Variants in PIGX observed in about 807,000 individuals in gnomAD.
PIGX encodes the protein GPI alpha-1,4-mannosyltransferase I, stabilizing subunit.
Under a neutral mutation model 28.7 loss-of-function variants are expected in PIGX, and 24 were observed. That is an observed-to-expected ratio of 0.84 (90% CI 0.60 to 1.17). PIGX has a LOEUF of 1.17. Ranked by LOEUF, PIGX falls within the 50% of genes most tolerant of loss-of-function variation. The probability of loss-of-function intolerance (pLI) is 0.00; values close to 1 mark genes in which losing one functional copy is unlikely to be tolerated. For missense variants in PIGX, 305 were observed against 317.8 expected (o/e 0.96, Z 0.31); for synonymous variants, 127 against 121.0 (o/e 1.05, Z -0.33).
At chr3:196,719,073 G>A (rs1712209283) in intron 2 of PIGX, among the ~76,000 whole-genome samples, 1 of 151,944 alleles carries the variant, frequency 6.6e-6, no homozygotes, top group Admixed American at 6.6e-5. Context: ...CCTGTAGATA[G>A]CATATAGTTC....
At chr3:196,723,295 C>T (rs149533899) in intron 3 of PIGX, among the ~76,000 whole-genome samples, 1 of 152,002 alleles carries the variant, frequency 6.6e-6, no homozygotes, top group African/African-American at 2.4e-5. Flanking sequence ...GAGCCGAGAT[C>T]GCATCATTGC....
intron 3 of PIGX, among the ~76,000 whole-genome samples, chr3:196,725,921 C>T (rs1268033556): frequency 6.6e-6 from 1 of 152,120 alleles, no homozygotes; most frequent in Non-Finnish European, 1.5e-5. Context: ...TTCTAAGTAA[C>T]TTATCTGCAT....
chr3:196,723,850 T>C (rs1295275382), intron 3 of PIGX, among the ~76,000 whole-genome samples: 12 of 152,050 alleles, frequency 7.9e-5, no homozygotes, highest in Admixed American at 7.9e-4. Flanking sequence ...TGTTTTTGAA[T>C]AAGTAATTAC....
intron 5 of PIGX, among the ~76,000 whole-genome samples, chr3:196,731,978 A>G (rs977664797): frequency 2.1e-4 from 32 of 151,254 alleles, no homozygotes; most frequent in African/African-American, 6.5e-4. Context: ...GGCGCCTGCC[A>G]CCATGCCCGG....
At chr3:196,728,811 G>A (rs71323744) in intron 4 of PIGX, 145,090 of 763,722 alleles carry the variant, frequency 0.19, 15,359 homozygotes, top group Non-Finnish European at 0.22. Flanking sequence ...CATGTACTAT[G>A]TGTTTCTTTT....
Position 196,730,400 on chromosome 3 carries a change from G to A in PIGX, c.533-592G>A, listed in dbSNP as rs1355875640. Among the ~76,000 whole-genome samples, 3 of 152,016 alleles carry A rather than the reference G, an allele frequency of 2.0e-5. No individual in the cohort carries two copies. The East Asian group carries it at 5.8e-4, about 29-fold the overall frequency. On this transcript the variant is annotated intron_variant, in intron 4 of 5. Transcript: ENST00000392391. ...TTTCTGAGTGATGCTTCAAAAATAAGTTTACATTAAATTTTTAAGAGCAGC... is the reference window on the plus strand; with the variant it reads ...TTTCTGAGTGATGCTTCAAAAATAAATTTACATTAAATTTTTAAGAGCAGC...
chr3:196,724,590 A>T (rs1213098719), intron 3 of PIGX, among the ~76,000 whole-genome samples: 1 of 152,216 alleles, frequency 6.6e-6, no homozygotes, highest in Non-Finnish European at 1.5e-5. Context: ...GAGTGCCATT[A>T]TAGATTGATT....
chr3:196,725,531 A>C (rs1056802603), intron 3 of PIGX, among the ~76,000 whole-genome samples: 1 of 152,196 alleles, frequency 6.6e-6, no homozygotes, highest in Non-Finnish European at 1.5e-5. Flanking sequence ...GATGCTGGGC[A>C]GGCCAAGGTA....
chr3:196,724,139 CG>C (rs1306011348), intron 3 of PIGX, among the ~76,000 whole-genome samples: 7 of 151,722 alleles, frequency 4.6e-5, no homozygotes, highest in African/African-American at 1.5e-4. Context: ...CTCAGCCTCC[CG>C]AGTAGCTAGG....
chr3:196,731,704 A>G (rs1412691090), intron 5 of PIGX, among the ~76,000 whole-genome samples: 1 of 152,172 alleles, frequency 6.6e-6, no homozygotes, highest in Admixed American at 6.5e-5. Context: ...CCTGCATTTG[A>G]TTGATTATGT....
In PIGX at chr3:196,716,999, T is replaced by C; in HGVS notation, c.176+78T>C. On this transcript the variant is annotated intron_variant, in intron 2 of 5. Coordinates refer to ENST00000392391, the MANE Select transcript of PIGX (RefSeq NM_017861.4). ...AGAGCAAAAAATTGATGGTTGAAAT[T>C]TGTATAAATTGAAAAATCAGGCCAG... 5 of 892,420 alleles carry C rather than the reference T, an allele frequency of 5.6e-6. No individual in the cohort carries two copies. The South Asian group carries it at 7.1e-5, about 13-fold the overall frequency. The allele number at this position is 892,420 out of a possible 1,614,324, so 55.3% of individuals were successfully genotyped here.
chr3:196,712,473 C>G lies in PIGX; in HGVS notation c.-60C>G. On this transcript the variant is annotated 5_prime_UTR_variant, in exon 1 of 6. Transcript: ENST00000392391. Reference sequence around the variant, plus strand: ...CGGTAGGAGCTGCGGGCGGCCAGGCCCCTTCCTGCGTCCGCACCTGGCCCC... The same window carrying G: ...CGGTAGGAGCTGCGGGCGGCCAGGCGCCTTCCTGCGTCCGCACCTGGCCCC... 1 of 820,460 alleles carries G rather than the reference C, an allele frequency of 1.2e-6. No homozygotes were observed. The highest frequency in any genetic ancestry group is 1.6e-6 in the Non-Finnish European group (1 of 635,872). The allele number at this position is 820,460 out of a possible 1,614,324, so 50.8% of individuals were successfully genotyped here. A position where few individuals can be genotyped will look rare whatever the true frequency, so the allele number is the denominator to read the frequency against.
intron 4 of PIGX, among the ~76,000 whole-genome samples, chr3:196,729,341 AAT>A (rs1164902774): frequency 1.3e-5 from 2 of 151,870 alleles, no homozygotes; most frequent in African/African-American, 4.9e-5. Context: ...TCAAAAAAAA[AAT>A]AAAATAAAAA....
rs1019652295 is a variant in PIGX at position 196,712,593 on chromosome 3, G to C, written c.61G>C (p.Gly21Arg). The C allele has an allele frequency of 2.5e-5, 30 of 1,191,632 alleles. No individual in the cohort carries two copies. Among genetic ancestry groups the C allele is most frequent in the Non-Finnish European group, 2.7e-5 (26 of 962,146 alleles). The allele number at this position is 1,191,632 out of a possible 1,614,324, so 73.8% of individuals were successfully genotyped here. A position where few individuals can be genotyped will look rare whatever the true frequency, so the allele number is the denominator to read the frequency against. The change falls in exon 1 of 6, where the codon GGG becomes CGG. Residue 21 changes from glycine to arginine, a missense_variant. By Grantham distance (125) the Gly-to-Arg change is moderately radical (BLOSUM62 -2). Coordinates refer to ENST00000392391, the MANE Select transcript of PIGX (RefSeq NM_017861.4). ...CTGGCTGCTCCTCGGGGCGGCGACC[G>C]GGCTCACGCGCGGGCCCGCCGCGGC...
At chr3:196,732,101 C>G (rs568560176) in intron 5 of PIGX, among the ~76,000 whole-genome samples, 1 of 150,462 alleles carries the variant, frequency 6.6e-6, no homozygotes, top group Non-Finnish European at 1.5e-5. Context: ...GCTGGGATTA[C>G]AGGCGTGAGC....
intron 1 of PIGX, among the ~76,000 whole-genome samples, chr3:196,715,335 C>G (rs1464914893): frequency 6.6e-6 from 1 of 152,156 alleles, no homozygotes; most frequent in African/African-American, 2.4e-5. Context: ...AAAAATCAGG[C>G]AAACCTTTCT....
chr3:196,732,222 A>T (rs1330986388), intron 5 of PIGX, among the ~76,000 whole-genome samples: 2 of 25,614 alleles, frequency 7.8e-5, no homozygotes, highest in African/African-American at 2.2e-4. Context: ...TTATTTATAT[A>T]TATATATATA....
chr3:196,721,256 T>C, intron 2 of PIGX: 1 of 338,828 alleles, frequency 3.0e-6, no homozygotes, highest in Non-Finnish European at 5.7e-6. Context: ...TCCCTGGTCT[T>C]TTTTCCTCTC....
In PIGX at chr3:196,733,983, T is replaced by A; in HGVS notation, c.*81T>A. On this transcript the variant is annotated 3_prime_UTR_variant, in exon 6 of 6. Coordinates refer to ENST00000392391, the MANE Select transcript of PIGX (RefSeq NM_017861.4). This position sits in a 1 kb window ranked among gnomAD's most constrained non-coding sequence, Gnocchi z 4.3. ...CGAGAGGTGTTCTTCTAGAATTAATTACTTTTATCTTTTGTCTTCATTTGT... is the reference window on the plus strand; with the variant it reads ...CGAGAGGTGTTCTTCTAGAATTAATAACTTTTATCTTTTGTCTTCATTTGT... 2 of 917,060 alleles carry A rather than the reference T, an allele frequency of 2.2e-6. No homozygotes were observed. The highest frequency in any genetic ancestry group is 3.4e-6 in the Non-Finnish European group (2 of 583,696). The allele number at this position is 917,060 out of a possible 1,614,324, so 56.8% of individuals were successfully genotyped here. A position where few individuals can be genotyped will look rare whatever the true frequency, so the allele number is the denominator to read the frequency against.
Sources: allele counts gnomAD v4.1 joint callset (sites outside exome capture counted in the v4.1 genomes callset), GRCh38; gene constraint gnomAD v4.1.1; non-coding constraint Gnocchi (gnomAD v3.1); transcripts MANE v1.5; gene names NCBI Gene and HGNC (gene_info 2026-07-23, HGNC 2026-07-21).